Variants in CDK14 observed in about 807,000 individuals in gnomAD.
CDK14 encodes cyclin-dependent kinase 14.
Under a neutral mutation model 60.7 loss-of-function variants are expected in CDK14, and 34 were observed. The observed-to-expected ratio is 0.56, with a 90% CI of 0.43 to 0.75. The LOEUF is 0.75. Ranked by LOEUF, CDK14 falls within the 30% of genes least tolerant of loss-of-function variation. The pLI is 0.00. For synonymous variants in CDK14, 197 were observed against 203.7 expected (o/e 0.97, Z 0.28); for missense variants, 482 against 564.1 (o/e 0.85, Z 1.47).
chr7:91,128,310 C>T (rs1299907459), intron 14 of CDK14, among the ~76,000 whole-genome samples: 1 of 152,140 alleles, frequency 6.6e-6, no homozygotes, highest in African/African-American at 2.4e-5. Flanking sequence ...ATTCTGTATT[C>T]AGCATAAAAA....
At chr7:90,802,518 A>G (rs565776137) in intron 5 of CDK14, among the ~76,000 whole-genome samples, 63 of 152,308 alleles carry the variant, frequency 4.1e-4, no homozygotes, top group African/African-American at 1.4e-3. Flanking sequence ...GTAAATTTTA[A>G]TAAATAGTGA....
intron 10 of CDK14, among the ~76,000 whole-genome samples, chr7:91,035,108 C>T (rs1796883514): frequency 6.6e-6 from 1 of 152,104 alleles, no homozygotes; most frequent in African/African-American, 2.4e-5. Flanking sequence ...CTTCTCTGCC[C>T]TCCTTCATCT....
At chr7:90,766,901 C>G (rs1804586761) in intron 4 of CDK14, among the ~76,000 whole-genome samples, 1 of 152,164 alleles carries the variant, frequency 6.6e-6, no homozygotes, top group South Asian at 2.1e-4. Context: ...TCTGGCTGCT[C>G]CCACACACAG....
intron 2 of CDK14, among the ~76,000 whole-genome samples, chr7:90,712,172 T>G (rs1052484835): frequency 2.0e-5 from 3 of 152,056 alleles, no homozygotes; most frequent in Non-Finnish European, 4.4e-5. Context: ...TATTACCATT[T>G]TTAAGTTTAT....
chr7:90,623,403 G>A (rs1295737075), intron 2 of CDK14, among the ~76,000 whole-genome samples: 1 of 152,090 alleles, frequency 6.6e-6, no homozygotes, highest in Non-Finnish European at 1.5e-5. Context: ...TCTTTAAAGG[G>A]CTTTTCTCTG....
At chr7:90,872,851 C>T (rs954902399) in intron 6 of CDK14, among the ~76,000 whole-genome samples, 6 of 152,098 alleles carry the variant, frequency 3.9e-5, no homozygotes, top group Non-Finnish European at 2.9e-5. Flanking sequence ...GTATATTCCA[C>T]CATAGATCAA....
At chr7:91,147,149 C>CTG (rs2115659578) in intron 14 of CDK14, among the ~76,000 whole-genome samples, 1 of 102,270 alleles carries the variant, frequency 9.8e-6, no homozygotes, top group East Asian at 2.7e-4. Flanking sequence ...CTGTCTCTCT[C>CTG]TCTCTCTCTC....
intron 2 of CDK14, among the ~76,000 whole-genome samples, chr7:90,605,092 T>G (rs1311499554): frequency 6.6e-6 from 1 of 152,202 alleles, no homozygotes; most frequent in South Asian, 2.1e-4. Context: ...GTTTGGTTTG[T>G]TTTAATAGTT....
chr7:90,762,837 A>G (rs961135247), intron 4 of CDK14, among the ~76,000 whole-genome samples: 5 of 152,050 alleles, frequency 3.3e-5, no homozygotes, highest in African/African-American at 7.2e-5. Flanking sequence ...AAACACAAAA[A>G]TTAGCCAGGC....
rs897911012 is a variant in CDK14, at chr7:90,598,831, A to G, written c.91+2113A>G. On this transcript the variant is annotated intron_variant, in intron 1 of 14. Transcript: ENST00000380050. ...GCCATTCTCCTGCCTCAGCCTCCCA[A>G]GTAGCTGGGACTACAGGCGCCCGCC... Among the ~76,000 whole-genome samples the G allele has an allele frequency of 4.3e-3, 634 of 145,790 alleles. 17 individuals carry two copies. The highest frequency in any genetic ancestry group is 0.042 in the Admixed American group (616 of 14,496).
chr7:90,701,639 C>G (rs919927890), intron 2 of CDK14, among the ~76,000 whole-genome samples: 2 of 152,138 alleles, frequency 1.3e-5, no homozygotes, highest in African/African-American at 4.8e-5. Flanking sequence ...AGCTCCGTAT[C>G]CTTTCTGTAC....
chr7:91,001,674 C>T lies in CDK14; in HGVS notation c.1041+17433C>T, dbSNP rs1040131448. On this transcript the variant is annotated intron_variant, in intron 10 of 14. Transcript: ENST00000380050. ...GTATTTCATTAATCCCACTCAAACC[C>T]AAGAGGGAAAATTAGGATATGTGGC... 2.6e-5 allele frequency among the ~76,000 whole-genome samples: 4 copies of T among 152,180 alleles called. 1 individual carries two copies. The highest frequency in any genetic ancestry group is 2.6e-4 in the Admixed American group (4 of 15,282).
chr7:90,627,556 A>G (rs1053888418), intron 2 of CDK14, among the ~76,000 whole-genome samples: 1 of 152,188 alleles, frequency 6.6e-6, no homozygotes, highest in Admixed American at 6.5e-5. Flanking sequence ...TATAAAAAGC[A>G]TTGCGTTATA....
At chr7:91,079,121 T>G (rs528853144) in intron 11 of CDK14, among the ~76,000 whole-genome samples, 1 of 152,188 alleles carries the variant, frequency 6.6e-6, no homozygotes, top group Non-Finnish European at 1.5e-5. Flanking sequence ...TACTTACAGG[T>G]TGGAGGTTTG....
intron 10 of CDK14, among the ~76,000 whole-genome samples, chr7:91,033,012 C>T (rs1796807786): frequency 6.6e-6 from 1 of 152,178 alleles, no homozygotes; most frequent in South Asian, 2.1e-4. Flanking sequence ...ACAATCAGCA[C>T]ACATTACAGA....
intron 8 of CDK14, among the ~76,000 whole-genome samples, chr7:90,947,003 T>A (rs531098839): frequency 1.3e-5 from 2 of 152,078 alleles, no homozygotes; most frequent in South Asian, 4.2e-4. Flanking sequence ...CAGATAAGAG[T>A]TGTTCTCATT....
At chr7:91,113,913 T>C (rs889504899) in intron 13 of CDK14, among the ~76,000 whole-genome samples, 1 of 152,134 alleles carries the variant, frequency 6.6e-6, no homozygotes, top group Non-Finnish European at 1.5e-5. Context: ...GCTTAGCAAA[T>C]CCTCCTTAAC....
At chr7:90,921,909 G>A (rs755099996) in intron 8 of CDK14, among the ~76,000 whole-genome samples, 5 of 152,128 alleles carry the variant, frequency 3.3e-5, no homozygotes, top group African/African-American at 7.2e-5. Context: ...TCATGTTTTA[G>A]ATTAATTTGA....
intron 5 of CDK14, among the ~76,000 whole-genome samples, chr7:90,856,826 ATGT>A (rs1273511090): frequency 2.0e-5 from 3 of 152,136 alleles, no homozygotes; most frequent in African/African-American, 7.2e-5. Flanking sequence ...AAAAAAGTTG[ATGT>A]TTGTTGTGGT....
Sources: gnomAD v4.1 joint callset for allele counts (sites outside exome capture counted in the v4.1 genomes callset) on GRCh38, gnomAD v4.1.1 for gene constraint, MANE v1.5 for transcripts, NCBI Gene and HGNC (gene_info 2026-07-23, HGNC 2026-07-21) for gene names.